SNX29: variants seen among roughly 807,000 people sequenced by gnomAD.
SNX29 encodes the protein sorting nexin 29.
A neutral mutation model predicts 102.1 loss-of-function variants in SNX29; 78 were observed. The ratio of observed to expected loss-of-function variants is 0.76; its 90% CI spans 0.64 to 0.92. The LOEUF is 0.92. SNX29 is among the 40% of genes least tolerant of loss of function. The probability of loss-of-function intolerance (pLI) is 0.00; values close to 1 mark genes in which losing one functional copy is unlikely to be tolerated. For synonymous variants in SNX29, 580 were observed against 414.5 expected (o/e 1.40, Z -4.85); for missense variants, 1,280 against 1,061.7 (o/e 1.21, Z -2.86).
chr16:12,089,524 G>A (rs1375182323), intron 11 of SNX29, among the ~76,000 whole-genome samples: 7 of 152,096 alleles, frequency 4.6e-5, no homozygotes, highest in African/African-American at 1.2e-4. Context: ...GAAAGGCAAA[G>A]CCTATGCCCT....
intron 1 of SNX29, among the ~76,000 whole-genome samples, chr16:11,978,699 T>G (rs192960089): frequency 6.6e-6 from 1 of 152,272 alleles, no homozygotes; most frequent in Admixed American, 6.5e-5. Flanking sequence ...ACCCTTTTCG[T>G]TTTACCTTTA....
intron 18 of SNX29, among the ~76,000 whole-genome samples, chr16:12,459,872 T>G (rs1364057298): frequency 6.6e-6 from 1 of 152,170 alleles, no homozygotes; most frequent in Non-Finnish European, 1.5e-5. Context: ...TGAACTGGCC[T>G]TTCTTCCTGG....
chr16:12,559,727 A>G (rs1463400119), intron 20 of SNX29, among the ~76,000 whole-genome samples: 1 of 152,148 alleles, frequency 6.6e-6, no homozygotes, highest in Non-Finnish European at 1.5e-5. Flanking sequence ...ACACCAAGAA[A>G]TAGATGAAAT....
At chr16:12,490,201 G>A (rs146177940) in intron 19 of SNX29, among the ~76,000 whole-genome samples, 3 of 152,196 alleles carry the variant, frequency 2.0e-5, no homozygotes, top group Admixed American at 6.5e-5. Context: ...TAGGCAAACA[G>A]CAATAGACCA....
intron 13 of SNX29, among the ~76,000 whole-genome samples, chr16:12,168,343 A>C (rs1185805098): frequency 6.6e-6 from 1 of 152,162 alleles, no homozygotes; most frequent in Non-Finnish European, 1.5e-5. Flanking sequence ...ACCTAGAGGA[A>C]AGCGTGATTC....
At chr16:12,531,537 C>T (rs1395876438) in intron 20 of SNX29, among the ~76,000 whole-genome samples, 1 of 152,052 alleles carries the variant, frequency 6.6e-6, no homozygotes, top group Admixed American at 6.6e-5. Flanking sequence ...CCATCTGCCC[C>T]GTGGTCCTCA....
chr16:12,270,310 G>C (rs897967824), intron 14 of SNX29, among the ~76,000 whole-genome samples: 1 of 152,178 alleles, frequency 6.6e-6, no homozygotes, highest in African/African-American at 2.4e-5. Context: ...CGAATTGATT[G>C]GTTTATTGGG....
At chr16:11,985,323 A>T (rs1243828894) in intron 1 of SNX29, among the ~76,000 whole-genome samples, 1 of 152,140 alleles carries the variant, frequency 6.6e-6, no homozygotes, top group African/African-American at 2.4e-5. Context: ...AAGCAAAAGG[A>T]TGTTGTTGGG....
chr16:12,499,829 C>T (rs1478906978), intron 19 of SNX29, among the ~76,000 whole-genome samples: 1 of 152,086 alleles, frequency 6.6e-6, no homozygotes, highest in Admixed American at 6.5e-5. Context: ...TTACGCACAA[C>T]CATGCCTGGC....
At chr16:12,368,282 C>A (rs1316828651) in intron 16 of SNX29, among the ~76,000 whole-genome samples, 1 of 152,208 alleles carries the variant, frequency 6.6e-6, no homozygotes, top group Non-Finnish European at 1.5e-5. Flanking sequence ...AGTTTCGTGT[C>A]AGCTGGCAAA....
intron 19 of SNX29, among the ~76,000 whole-genome samples, chr16:12,500,557 T>C (rs1181630151): frequency 6.6e-6 from 1 of 152,262 alleles, no homozygotes; most frequent in African/African-American, 2.4e-5. Context: ...GGTGCCAGGC[T>C]TTCCAGCCAA....
chr16:12,516,565 A>G (rs2089876372), intron 19 of SNX29, among the ~76,000 whole-genome samples: 1 of 151,886 alleles, frequency 6.6e-6, no homozygotes, highest in East Asian at 1.9e-4. Flanking sequence ...TCTAGTCAAC[A>G]TTCTAGAATT....
chr16:12,024,867 G>GT (rs1001260798), intron 3 of SNX29, among the ~76,000 whole-genome samples: 4 of 152,282 alleles, frequency 2.6e-5, no homozygotes, highest in East Asian at 3.9e-4. Context: ...ATACCCCAGA[G>GT]TTTTTTTGTT....
At chr16:12,337,643 C>T (rs2081491813) in intron 15 of SNX29, among the ~76,000 whole-genome samples, 1 of 152,182 alleles carries the variant, frequency 6.6e-6, no homozygotes, top group Admixed American at 6.5e-5. Context: ...CACCTAGTCA[C>T]ATATCTCACT....
At chr16:12,532,862 C>T (rs1348182714) in intron 20 of SNX29, among the ~76,000 whole-genome samples, 1 of 152,198 alleles carries the variant, frequency 6.6e-6, no homozygotes, top group Non-Finnish European at 1.5e-5. Flanking sequence ...GAGAAGCCTT[C>T]CCCTGCGTGA....
chr16:12,179,545 T>G (rs2076336543), intron 13 of SNX29, among the ~76,000 whole-genome samples: 1 of 152,254 alleles, frequency 6.6e-6, no homozygotes, highest in Non-Finnish European at 1.5e-5. Context: ...ATATTCATTT[T>G]AAATCTACTT....
Position 12,551,019 on chromosome 16 carries a change from G to T in SNX29, c.2319-17487G>T, listed in dbSNP as rs551826319. Among the ~76,000 whole-genome samples the T allele has an allele frequency of 2.0e-5, 3 of 152,280 alleles. No homozygotes were observed. The South Asian group carries it at 6.2e-4, about 32-fold the overall frequency. On this transcript the variant is annotated intron_variant, in intron 20 of 20. Coordinates refer to ENST00000566228, the MANE Select transcript of SNX29 (RefSeq NM_032167.5). ...CTAAATATTTCTTCTCTGGCCGAGT[G>T]ATGGGCTTCTAAACAAGGTGTCATC...
At chr16:12,512,578 C>G (rs1045776192) in intron 19 of SNX29, among the ~76,000 whole-genome samples, 1 of 151,290 alleles carries the variant, frequency 6.6e-6, no homozygotes, top group African/African-American at 2.4e-5. Flanking sequence ...CTTGACTGGC[C>G]CCTTCTCTTC....
chr16:12,505,045 C>T (rs920194192), intron 19 of SNX29, among the ~76,000 whole-genome samples: 67 of 152,154 alleles, frequency 4.4e-4, no homozygotes, highest in African/African-American at 1.1e-3. Flanking sequence ...CAAGACGGGA[C>T]GATCACTTGA....
Sources: allele counts gnomAD v4.1 joint callset (sites outside exome capture counted in the v4.1 genomes callset), GRCh38; gene constraint gnomAD v4.1.1; transcripts MANE v1.5; gene names NCBI Gene and HGNC (gene_info 2026-07-23, HGNC 2026-07-21).